Variants in WNK3 observed in about 807,000 individuals in gnomAD.
The protein encoded by WNK3 is WNK lysine deficient protein kinase 3.
WNK3 carries 18 observed loss-of-function variants against 116.7 expected under a neutral mutation model. That is an observed-to-expected ratio of 0.15 (90% CI 0.11 to 0.23). The LOEUF is 0.23. Among genes scored for constraint, WNK3 ranks in the 10% least tolerant of loss-of-function variants. The pLI, the probability that WNK3 is intolerant of heterozygous loss-of-function variation, is 1.00. For missense variants in WNK3, 993 were observed against 1,323.8 expected, an observed-to-expected ratio of 0.75 and a Z score of 3.88; for synonymous variants, 404 against 469.4, an observed-to-expected ratio of 0.86 and a Z score of 1.80.
At chrX:54,284,830 C>T (rs1196527146) in intron 10 of WNK3, among the ~76,000 whole-genome samples, 2 of 110,084 alleles carry the variant, frequency 1.8e-5, no homozygotes, top group Admixed American at 9.7e-5. Context: ...ATTAGCCGGG[C>T]GTGGTGGCTC....
intron 10 of WNK3, among the ~76,000 whole-genome samples, chrX:54,273,390 T>C (rs1204439394): frequency 1.8e-5 from 2 of 111,281 alleles, no homozygotes; most frequent in African/African-American, 6.5e-5. Flanking sequence ...GTCAGCAGTT[T>C]GAGACCAGCC....
chrX:54,216,706 G>A lies in WNK3; in HGVS notation c.4870+12008C>T, dbSNP rs184993493. Among the ~76,000 whole-genome samples, 124 of 111,823 alleles carry A rather than the reference G, an allele frequency of 1.1e-3. 2 individuals are homozygous for A. The Admixed American group carries it at 0.012, about 11-fold the overall frequency. On this transcript the variant is annotated intron_variant, in intron 22 of 23. Coordinates refer to ENST00000354646, the Ensembl canonical transcript of WNK3. ...GCAAGCAGGAAGTAAATCAAAGGTT[G>A]TCTTACAAACTGTCTGAAGTTTGAT...
chrX:54,257,309 G>C (rs782806401), intron 11 of WNK3, among the ~76,000 whole-genome samples: 28 of 110,841 alleles, frequency 2.5e-4, no homozygotes, highest in Non-Finnish European at 4.7e-4. Context: ...GAGCACACCT[G>C]GGGGAGCAGG....
intron 10 of WNK3, among the ~76,000 whole-genome samples, chrX:54,268,921 CAAAT>C: frequency 9.0e-6 from 1 of 111,340 alleles, no homozygotes; most frequent in Non-Finnish European, 1.9e-5. Context: ...TATCTCCCCA[CAAAT>C]AACTCATAAA....
At chrX:54,214,374 A>G (rs984319032) in intron 22 of WNK3, among the ~76,000 whole-genome samples, 1 of 111,884 alleles carries the variant, frequency 8.9e-6, no homozygotes, top group Non-Finnish European at 1.9e-5. Flanking sequence ...TAAAGAAGAA[A>G]TAATACTAAC....
intron 22 of WNK3, among the ~76,000 whole-genome samples, chrX:54,224,501 T>C (rs2067808754): frequency 1.1e-5 from 1 of 91,112 alleles, no homozygotes; most frequent in Non-Finnish European, 2.2e-5. Flanking sequence ...TGTGTGCAAG[T>C]GTGTTCCAAA....
intron 1 of WNK3, among the ~76,000 whole-genome samples, chrX:54,348,183 G>A (rs1557177986): frequency 9.2e-6 from 1 of 109,099 alleles, no homozygotes; most frequent in Non-Finnish European, 1.9e-5. Context: ...TAGATCAAAG[G>A]AAATTTTTTT....
chrX:54,331,344 T>C (rs1222395059), intron 2 of WNK3, among the ~76,000 whole-genome samples: 4 of 109,076 alleles, frequency 3.7e-5, no homozygotes, highest in Admixed American at 9.9e-5. Context: ...AAAATAAAGA[T>C]TATAAAATTT....
intron 2 of WNK3, among the ~76,000 whole-genome samples, chrX:54,319,265 C>G (rs931111557): frequency 9.0e-6 from 1 of 111,063 alleles, no homozygotes; most frequent in African/African-American, 3.3e-5. Context: ...CAGGTTCAAG[C>G]GATCCTCCCA....
intron 10 of WNK3, among the ~76,000 whole-genome samples, chrX:54,261,148 C>T (rs1356369224): frequency 9.0e-6 from 1 of 110,624 alleles, no homozygotes; most frequent in East Asian, 2.9e-4. Context: ...TGGCTCACAC[C>T]TGTAATCCCA....
At chrX:54,272,358 G>C (rs1275797794) in intron 10 of WNK3, among the ~76,000 whole-genome samples, 3 of 110,567 alleles carry the variant, frequency 2.7e-5, no homozygotes, top group African/African-American at 9.9e-5. Flanking sequence ...TGAGGCAGCA[G>C]GATCACTTAA....
At chrX:54,282,522 T>C (rs1048393792) in intron 10 of WNK3, among the ~76,000 whole-genome samples, 7 of 111,768 alleles carry the variant, frequency 6.3e-5, no homozygotes, top group Admixed American at 2.9e-4. Flanking sequence ...CCAAGCAATA[T>C]ACAAAGTTAA....
chrX:54,315,813 T>C (rs1204836683), intron 2 of WNK3, among the ~76,000 whole-genome samples: 1 of 111,835 alleles, frequency 8.9e-6, no homozygotes, highest in Non-Finnish European at 1.9e-5. Context: ...AGGGGAGCCC[T>C]GGGGTACCTT....
chrX:54,299,360 A>AAC (rs1296527909), intron 6 of WNK3, among the ~76,000 whole-genome samples: 6 of 111,055 alleles, frequency 5.4e-5, no homozygotes, highest in Non-Finnish European at 1.1e-4. Flanking sequence ...AGAATAAGCC[A>AAC]TCATTCCATA....
chrX:54,319,457 C>CATGAATAAATTT lies in WNK3; in HGVS notation c.538-8167_538-8166insAAATTTATTCAT, dbSNP rs1557171708. On this transcript the variant is annotated intron_variant, in intron 2 of 23. Coordinates refer to ENST00000354646, the Ensembl canonical transcript of WNK3. ...GGATTATAGGCATGAGTCACCATAC[C>CATGAATAAATTT]TGGCCAGAATAATGAATAAATTTTG... Among the ~76,000 whole-genome samples the CATGAATAAATTT allele has an allele frequency of 3.8e-4, 43 of 111,942 alleles. 1 individual carries two copies. The highest frequency in any genetic ancestry group is 6.2e-4 in the Non-Finnish European group (33 of 53,262).
intron 10 of WNK3, among the ~76,000 whole-genome samples, chrX:54,261,572 T>C (rs781787861): frequency 8.9e-5 from 10 of 111,940 alleles, no homozygotes; most frequent in East Asian, 2.8e-4. Flanking sequence ...AAGATGAATA[T>C]AGATAAGCTT....
At chrX:54,201,600 T>TA (rs2067501206) in intron 23 of WNK3, among the ~76,000 whole-genome samples, 1 of 111,792 alleles carries the variant, frequency 8.9e-6, no homozygotes, top group Admixed American at 9.6e-5. Flanking sequence ...TGGATTTTTT[T>TA]AAAAAAATAG....
At chrX:54,293,611 T>C (rs1006042597) in intron 8 of WNK3, among the ~76,000 whole-genome samples, 1 of 111,704 alleles carries the variant, frequency 9.0e-6, no homozygotes, top group South Asian at 3.7e-4. Context: ...CCATGTCATG[T>C]ATATCCCTAA....
chrX:54,304,424 C>T (rs2068801025), intron 5 of WNK3, among the ~76,000 whole-genome samples: 2 of 108,797 alleles, frequency 1.8e-5, no homozygotes, highest in Non-Finnish European at 3.8e-5. Flanking sequence ...ACCTGTGGTC[C>T]CAGCTACCAG....
Sources: gnomAD v4.1 joint callset for allele counts (sites outside exome capture counted in the v4.1 genomes callset) on GRCh38, gnomAD v4.1.1 for gene constraint, MANE v1.5 for transcripts, NCBI Gene and HGNC (gene_info 2026-07-23, HGNC 2026-07-21) for gene names.